Variants in PDE1C observed in about 807,000 individuals in gnomAD.
PDE1C encodes dual specificity calcium/calmodulin-dependent 3',5'-cyclic nucleotide phosphodiesterase 1C.
In PDE1C, 62 loss-of-function variants were observed where a neutral mutation model predicts 93.1. The ratio of observed to expected loss-of-function variants is 0.67; its 90% CI spans 0.54 to 0.82. The LOEUF (loss-of-function observed/expected upper bound fraction) is 0.82. PDE1C is among the 40% of genes least tolerant of loss of function. The pLI is 0.00. For missense variants in PDE1C, 742 were observed against 884.6 expected (o/e 0.84, Z 2.04); for synonymous variants, 325 against 310.1 (o/e 1.05, Z -0.50).
intron 2 of PDE1C, among the ~76,000 whole-genome samples, chr7:31,912,968 A>G (rs1801435424): frequency 6.6e-6 from 1 of 152,184 alleles, no homozygotes; most frequent in Non-Finnish European, 1.5e-5. Context: ...GTCTGGCTAG[A>G]CCAAGCACTT....
At chr7:32,248,210 A>G (rs887817864) in intron 1 of PDE1C, among the ~76,000 whole-genome samples, 1 of 152,192 alleles carries the variant, frequency 6.6e-6, no homozygotes, top group Non-Finnish European at 1.5e-5. Context: ...AGTGGGATAT[A>G]TAAGTTCAGA....
At chr7:31,617,117 C>T in the PDE1C span, among the ~76,000 whole-genome samples, 3 of 152,050 alleles carry the variant, frequency 2.0e-5, no homozygotes, top group Non-Finnish European at 4.4e-5. Flanking sequence ...GAGCTCGTCC[C>T]GGTATAATTT....
At chr7:31,640,488 G>T in the PDE1C span, among the ~76,000 whole-genome samples, 1 of 152,200 alleles carries the variant, frequency 6.6e-6, no homozygotes. Context: ...AGCTTCAAGT[G>T]TCTGCAAGGC....
chr7:32,399,085 C>T (rs1386393958), intron 1 of PDE1C, among the ~76,000 whole-genome samples: 3 of 152,180 alleles, frequency 2.0e-5, no homozygotes, highest in Non-Finnish European at 4.4e-5. Flanking sequence ...GACATATACA[C>T]AGTGAACTAT....
chr7:32,227,549 C>T (rs1807385369), intron 1 of PDE1C, among the ~76,000 whole-genome samples: 2 of 152,248 alleles, frequency 1.3e-5, no homozygotes, highest in African/African-American at 4.8e-5. Flanking sequence ...CACTGAAAGA[C>T]ACCATAAATA....
downstream of PDE1C, among the ~76,000 whole-genome samples, chr7:31,749,437 C>T (rs1394185833): frequency 6.6e-6 from 1 of 152,050 alleles, no homozygotes; most frequent in East Asian, 1.9e-4. Flanking sequence ...GTTTTTTGTG[C>T]TTATAGGAGT....
intron 9 of PDE1C, among the ~76,000 whole-genome samples, chr7:31,838,814 A>G (rs1265034265): frequency 6.6e-6 from 1 of 152,162 alleles, no homozygotes; most frequent in African/African-American, 2.4e-5. Flanking sequence ...TGAGTTTAAC[A>G]GTTGAGTAAG....
In PDE1C at chr7:32,051,502, G is replaced by A; in HGVS notation, c.128+52C>T. 3 of 1,581,712 alleles carry A rather than the reference G, an allele frequency of 1.9e-6. No homozygotes were observed. The South Asian group carries it at 3.3e-5, about 17-fold the overall frequency. On this transcript the variant is annotated intron_variant, in intron 2 of 17. Transcript: ENST00000396191. ...GTCCACCATGAGCCAGACTTGTGAA[G>A]AGCTGGGCCACAAATGAATCAACCA...
chr7:31,830,327 T>C (rs1790224143), intron 11 of PDE1C, among the ~76,000 whole-genome samples: 5 of 152,302 alleles, frequency 3.3e-5, no homozygotes, highest in African/African-American at 1.2e-4. Flanking sequence ...TTCCTCTTTA[T>C]TGAAGAGGTC....
At chr7:31,749,444 G>A (rs1794074226), downstream of PDE1C, among the ~76,000 whole-genome samples, 1 of 152,152 alleles carries the variant, frequency 6.6e-6, no homozygotes, top group African/African-American at 2.4e-5. Context: ...GTGCTTATAG[G>A]AGTGTGACCC....
chr7:31,780,021 T>A (rs1237809660), intron 16 of PDE1C, among the ~76,000 whole-genome samples: 1 of 152,206 alleles, frequency 6.6e-6, no homozygotes, highest in Non-Finnish European at 1.5e-5. Context: ...AACTGGTTCT[T>A]GGATTCATTG....
intron 16 of PDE1C, chr7:31,783,735 G>A (rs112471715): frequency 1.1e-4 from 17 of 152,224 alleles, no homozygotes; most frequent in African/African-American, 3.9e-4. Context: ...CTTGTATTTG[G>A]AGATATGATG....
intron 2 of PDE1C, among the ~76,000 whole-genome samples, chr7:31,883,810 G>A (rs1390274869): frequency 2.0e-5 from 3 of 152,176 alleles, no homozygotes; most frequent in Non-Finnish European, 4.4e-5. Flanking sequence ...GCTCCATCAG[G>A]GAGACCCAGG....
intron 1 of PDE1C, among the ~76,000 whole-genome samples, chr7:32,345,844 TAAC>T (rs1783843890): frequency 6.6e-6 from 1 of 152,140 alleles, no homozygotes; most frequent in Non-Finnish European, 1.5e-5. Flanking sequence ...AAAAAGATAA[TAAC>T]AAGAATTGGT....
rs1297375819 is a variant in PDE1C, at chr7:32,298,114, CTT to C, written c.85+535_85+536del. Among the ~76,000 whole-genome samples the C allele has an allele frequency of 4.8e-5, 7 of 145,866 alleles. No homozygotes were observed. In the East Asian group the frequency reaches 1.5e-3, roughly 30 times the overall value. ...CTCTGTCTCTCTCAGCCTCTCCTCT[CTT>C]GTTTCAGTCACTGTCTCCACGTCTT... On this transcript the variant is annotated intron_variant, in intron 1 of 18. Transcript: ENST00000396193.
intron 8 of PDE1C, 90 bp downstream of exon 8, chr7:31,850,551 G>T: frequency 1.2e-6 from 1 of 848,108 alleles, no homozygotes; most frequent in Non-Finnish European, 2.0e-6. Context: ...GGAAACCTAT[G>T]CAAAAGAAAG....
chr7:31,965,056 C>G (rs1809688508), intron 2 of PDE1C, among the ~76,000 whole-genome samples: 1 of 152,194 alleles, frequency 6.6e-6, no homozygotes, highest in African/African-American at 2.4e-5. Context: ...AGTGCCTCTC[C>G]TCCTCCAAAG....
rs118102723 is a variant in PDE1C at position 32,001,896 on chromosome 7, C to T, written c.128+49658G>A. 3.4e-3 allele frequency among the ~76,000 whole-genome samples: 523 copies of T among 152,164 alleles called. 7 individuals carry two copies. Among genetic ancestry groups the T allele is most frequent in the Middle Eastern group, 0.017 (5 of 294 alleles). On this transcript the variant is annotated intron_variant, in intron 2 of 17. Transcript: ENST00000396191. ...CCAACACAGCAAAACCCCACCTCTACTAAAATACAAAAATTAGCTGAGCGT... is the reference window on the plus strand; with the variant it reads ...CCAACACAGCAAAACCCCACCTCTATTAAAATACAAAAATTAGCTGAGCGT...
intron 2 of PDE1C, among the ~76,000 whole-genome samples, chr7:31,923,371 G>C (rs956688721): frequency 6.6e-6 from 1 of 152,110 alleles, no homozygotes; most frequent in African/African-American, 2.4e-5. Flanking sequence ...GGGGGTGGGA[G>C]GTGGGAGGAG....
Sources: allele counts gnomAD v4.1 joint callset (sites outside exome capture counted in the v4.1 genomes callset), GRCh38; gene constraint gnomAD v4.1.1; transcripts MANE v1.5; gene names NCBI Gene and HGNC (gene_info 2026-07-23, HGNC 2026-07-21).